ROBO1: variants seen among roughly 807,000 people sequenced by gnomAD.
The protein encoded by ROBO1 is roundabout guidance receptor 1.
Under a neutral mutation model 195.9 loss-of-function variants are expected in ROBO1, and 149 were observed. The observed-to-expected ratio is 0.76, with a 90% CI of 0.67 to 0.87. The LOEUF is 0.87. Among genes scored for constraint, ROBO1 ranks in the 40% least tolerant of loss-of-function variants. The pLI is 0.00. For missense variants in ROBO1, 1,933 were observed against 2,068.3 expected (o/e 0.93, Z 1.27); for synonymous variants, 816 against 733.2 (o/e 1.11, Z -1.82).
At position 79,329,350 on chromosome 3, in the gene ROBO1, A is replaced by G. The variant is rs537730631; in HGVS notation, c.89-203811T>C. On this transcript the variant is annotated intron_variant, in intron 2 of 30. Transcript: ENST00000464233. ...AACACCCTCCCATGTGGACTCATCA[A>G]TGCTGTCAATATTCCTCTCATCGTG... 2.6e-5 allele frequency among the ~76,000 whole-genome samples: 4 copies of G among 152,292 alleles called. No individual in the cohort carries two copies. In the South Asian group the frequency reaches 8.3e-4, roughly 32 times the overall value.
At chr3:79,280,972 G>C (rs1289808281) in intron 2 of ROBO1, among the ~76,000 whole-genome samples, 2 of 152,182 alleles carry the variant, frequency 1.3e-5, no homozygotes, top group Non-Finnish European at 2.9e-5. Context: ...CCATGACCCA[G>C]AGGGTTGGAG....
intron 4 of ROBO1, among the ~76,000 whole-genome samples, chr3:78,874,070 C>T (rs971901499): frequency 1.1e-4 from 17 of 151,596 alleles, no homozygotes; most frequent in Admixed American, 4.6e-4. Context: ...GTATGAGCAA[C>T]GGGCATAAGC....
At chr3:78,642,472 T>A (rs1022809653) in intron 21 of ROBO1, among the ~76,000 whole-genome samples, 1 of 152,152 alleles carries the variant, frequency 6.6e-6, no homozygotes. Flanking sequence ...ATCTCAGAAT[T>A]GCCAATATTT....
intron 1 of ROBO1, among the ~76,000 whole-genome samples, chr3:79,664,769 C>T (rs1946427824): frequency 1.3e-5 from 2 of 151,906 alleles, no homozygotes; most frequent in Admixed American, 1.3e-4. Context: ...ATCTTTAACT[C>T]TCTACCATAA....
intron 4 of ROBO1, among the ~76,000 whole-genome samples, chr3:78,929,970 G>A (rs1017185855): frequency 1.3e-5 from 2 of 152,110 alleles, no homozygotes; most frequent in Non-Finnish European, 1.5e-5. Context: ...TTGGCTTCTC[G>A]TATTACTGGA....
intron 4 of ROBO1, among the ~76,000 whole-genome samples, chr3:78,891,762 AAATG>A (rs1383824830): frequency 3.3e-5 from 5 of 152,240 alleles, no homozygotes; most frequent in East Asian, 1.9e-4. Flanking sequence ...CAGCAATAAA[AAATG>A]AATGAACTAT....
At chr3:79,224,367 G>A (rs1475535541) in intron 2 of ROBO1, among the ~76,000 whole-genome samples, 1 of 152,094 alleles carries the variant, frequency 6.6e-6, no homozygotes, top group Admixed American at 6.5e-5. Flanking sequence ...GCTGAGTCTG[G>A]GCCTTGACAT....
chr3:78,819,264 C>T (rs2030568787), intron 4 of ROBO1, among the ~76,000 whole-genome samples: 1 of 151,144 alleles, frequency 6.6e-6, no homozygotes, highest in Admixed American at 6.6e-5. Flanking sequence ...AAATTTAGTG[C>T]TTTTTCTTTA....
At chr3:79,034,364 CCTGTTAGTCAGAAGCCAGGT>C (rs1559609356) in intron 3 of ROBO1, among the ~76,000 whole-genome samples, 1 of 152,032 alleles carries the variant, frequency 6.6e-6, no homozygotes, top group African/African-American at 2.4e-5. Flanking sequence ...CACAGGATGG[CCTGTTAGTCAGAAGCCAGGT>C]CTGCCTGACT....
At chr3:78,847,605 G>A (rs2033755589) in intron 4 of ROBO1, among the ~76,000 whole-genome samples, 2 of 152,116 alleles carry the variant, frequency 1.3e-5, no homozygotes, top group Admixed American at 6.5e-5. Context: ...ACCTTCCTTC[G>A]AAGGACTTCA....
intron 2 of ROBO1, among the ~76,000 whole-genome samples, chr3:79,548,608 GT>G (rs1942360697): frequency 6.6e-6 from 1 of 152,120 alleles, no homozygotes; most frequent in South Asian, 2.1e-4. Context: ...ATAATTTTCA[GT>G]TCATAAAATA....
At chr3:78,792,635 C>A (rs1197056125) in intron 4 of ROBO1, among the ~76,000 whole-genome samples, 3 of 152,200 alleles carry the variant, frequency 2.0e-5, no homozygotes, top group African/African-American at 7.2e-5. Flanking sequence ...ACAAATCCCA[C>A]AGTCGCCTCA....
intron 2 of ROBO1, among the ~76,000 whole-genome samples, chr3:79,445,781 C>T (rs1229591116): frequency 4.6e-5 from 7 of 151,994 alleles, no homozygotes; most frequent in African/African-American, 7.2e-5. Context: ...CCTGCCTCAG[C>T]CTCCCGAGTA....
intron 3 of ROBO1, among the ~76,000 whole-genome samples, chr3:79,049,955 G>C (rs946234047): frequency 6.6e-6 from 1 of 152,112 alleles, no homozygotes; most frequent in African/African-American, 2.4e-5. Flanking sequence ...AAATTGTCAA[G>C]ACCATTGACG....
At chr3:78,721,413 G>A (rs1559786419) in intron 5 of ROBO1, among the ~76,000 whole-genome samples, 1 of 152,168 alleles carries the variant, frequency 6.6e-6, no homozygotes, top group Non-Finnish European at 1.5e-5. Flanking sequence ...GGTGTAGCTA[G>A]ATGTTTCTTT....
At chr3:79,676,439 G>A (rs577519165) in intron 1 of ROBO1, among the ~76,000 whole-genome samples, 1 of 152,114 alleles carries the variant, frequency 6.6e-6, no homozygotes, top group African/African-American at 2.4e-5. Context: ...CATGGAGTTT[G>A]CAGGCTGCAT....
chr3:78,777,966 T>C (rs1576146157), intron 4 of ROBO1, among the ~76,000 whole-genome samples: 1 of 152,320 alleles, frequency 6.6e-6, no homozygotes, highest in East Asian at 1.9e-4. Flanking sequence ...ATATTGGCTG[T>C]GAGTTTGTCA....
At chr3:79,559,723 CCTGA>C (rs1942837837) in intron 2 of ROBO1, among the ~76,000 whole-genome samples, 1 of 151,986 alleles carries the variant, frequency 6.6e-6, no homozygotes, top group African/African-American at 2.4e-5. Context: ...TCGAGACCAG[CCTGA>C]CTAACATGGT....
At chr3:79,101,260 G>A (rs1347099413) in intron 3 of ROBO1, among the ~76,000 whole-genome samples, 4 of 151,794 alleles carry the variant, frequency 2.6e-5, no homozygotes, top group Non-Finnish European at 4.4e-5. Context: ...TGGTGGCCAA[G>A]CCATGTTTGA....
Sources: allele counts gnomAD v4.1 joint callset (sites outside exome capture counted in the v4.1 genomes callset), GRCh38; gene constraint gnomAD v4.1.1; transcripts MANE v1.5; gene names NCBI Gene and HGNC (gene_info 2026-07-23, HGNC 2026-07-21).